FANK1: variants seen among roughly 807,000 people sequenced by gnomAD.
FANK1 encodes the protein fibronectin type 3 and ankyrin repeat domains protein 1.
FANK1 carries 44 observed loss-of-function variants against 45.3 expected under a neutral mutation model. The ratio of observed to expected loss-of-function variants is 0.97; its 90% CI spans 0.76 to 1.25. The LOEUF (loss-of-function observed/expected upper bound fraction) is 1.25. FANK1 is among the 50% of genes most tolerant of loss of function. FANK1 has a pLI of 0.00. For synonymous variants in FANK1, 149 were observed against 152.5 expected (o/e 0.98, Z 0.17); for missense variants, 391 against 424.4 (o/e 0.92, Z 0.69).
intron 1 of FANK1, among the ~76,000 whole-genome samples, chr10:125,954,089 T>C (rs1949421509): frequency 3.0e-5 from 2 of 66,194 alleles, no homozygotes; most frequent in Non-Finnish European, 8.4e-5. Context: ...CACTGTGGAG[T>C]TGGACCGTAC....
At chr10:125,982,664 A>C (rs1951294608) in intron 2 of FANK1, among the ~76,000 whole-genome samples, 1 of 152,190 alleles carries the variant, frequency 6.6e-6, no homozygotes, top group African/African-American at 2.4e-5. Flanking sequence ...CTGATTTGTC[A>C]GTTTCTGTTC....
chr10:126,005,305 T>G (rs929823300), intron 7 of FANK1, among the ~76,000 whole-genome samples: 1 of 135,700 alleles, frequency 7.4e-6, no homozygotes, highest in East Asian at 2.1e-4. Flanking sequence ...TCTACTTTCT[T>G]TCTTTTTTTT....
chr10:125,954,376 T>C (rs1326433088), intron 1 of FANK1, among the ~76,000 whole-genome samples: 2 of 152,220 alleles, frequency 1.3e-5, no homozygotes, highest in Non-Finnish European at 2.9e-5. Flanking sequence ...GGAACTTCTT[T>C]TGTATCTAAC....
At chr10:125,950,483 A>C (rs1315672629) in intron 1 of FANK1, among the ~76,000 whole-genome samples, 1 of 152,060 alleles carries the variant, frequency 6.6e-6, no homozygotes, top group African/African-American at 2.4e-5. Flanking sequence ...TCTCAGAAGA[A>C]GACATTTATG....
intron 1 of FANK1, among the ~76,000 whole-genome samples, chr10:125,899,207 T>A (rs928575330): frequency 1.1e-4 from 16 of 152,242 alleles, no homozygotes; most frequent in African/African-American, 3.4e-4. Context: ...ATTACAGGCA[T>A]GCGCCACCAT....
At chr10:125,900,297 A>G (rs1355273839) in intron 1 of FANK1, among the ~76,000 whole-genome samples, 1 of 151,784 alleles carries the variant, frequency 6.6e-6, no homozygotes, top group African/African-American at 2.4e-5. Context: ...AAGATAGCTC[A>G]TGTATAAAAT....
chr10:125,952,061 A>G (rs550991242), intron 1 of FANK1, among the ~76,000 whole-genome samples: 8 of 152,296 alleles, frequency 5.3e-5, no homozygotes, highest in Admixed American at 5.2e-4. Flanking sequence ...TGTGGGGACA[A>G]GATGTGTCAG....
intron 1 of FANK1, among the ~76,000 whole-genome samples, chr10:125,950,892 A>G (rs1206911273): frequency 6.6e-6 from 1 of 150,458 alleles, no homozygotes; most frequent in Non-Finnish European, 1.5e-5. Flanking sequence ...GCACATATAC[A>G]CCATGGAATA....
intron 1 of FANK1, among the ~76,000 whole-genome samples, chr10:125,938,604 T>A (rs1315232070): frequency 6.6e-6 from 1 of 151,990 alleles, no homozygotes; most frequent in Non-Finnish European, 1.5e-5. Flanking sequence ...AGGTCAGGAG[T>A]TCGAGACCAG....
rs1037789199 is a variant in FANK1 at position 125,995,432 on chromosome 10, G to A, written c.332G>A (p.Ser111Asn). The A allele has an allele frequency of 1.2e-6, 2 of 1,614,054 alleles. No homozygotes were observed. The highest frequency in any genetic ancestry group is 1.7e-5 in the Admixed American group (1 of 60,004). The change falls in exon 4 of 11, where the codon AGT (serine) becomes AAT (asparagine). Residue 111 changes from serine (S) to asparagine (N), a missense_variant. Coordinates refer to ENST00000368693, the MANE Select transcript of FANK1 (RefSeq NM_145235.5). ...SVSTTREPIS[S>N]EHLHRAVSVN... is the part of the protein sequence containing the mutation. ...ATTTCTCCAGGAGAGCCCATAAGTA[G>A]TGAGCACTTGCACCGGGCTGTCAGT...
chr10:125,949,559 G>A (rs1298257726), intron 1 of FANK1, among the ~76,000 whole-genome samples: 1 of 150,636 alleles, frequency 6.6e-6, no homozygotes, highest in Non-Finnish European at 1.5e-5. Context: ...ACTTACAAGG[G>A]ATGTGAAGGA....
At chr10:126,003,201 G>A (rs925718136) in intron 6 of FANK1, among the ~76,000 whole-genome samples, 21 of 151,176 alleles carry the variant, frequency 1.4e-4, no homozygotes, top group Admixed American at 4.6e-4. Context: ...CTTGTCTCCC[G>A]GTTGTGGGGC....
intron 1 of FANK1, among the ~76,000 whole-genome samples, chr10:125,945,795 G>A (rs1372762563): frequency 6.6e-6 from 1 of 152,232 alleles, no homozygotes; most frequent in Non-Finnish European, 1.5e-5. Context: ...ACCTCTGGGG[G>A]CAGGGCACAG....
intron 1 of FANK1, among the ~76,000 whole-genome samples, chr10:125,968,204 C>T (rs1353638524): frequency 3.9e-5 from 6 of 152,062 alleles, no homozygotes; most frequent in Non-Finnish European, 8.8e-5. Flanking sequence ...GTGATCCTCT[C>T]ACCTTGGCCT....
At chr10:125,967,666 C>T (rs564842270) in intron 1 of FANK1, among the ~76,000 whole-genome samples, 1 of 152,074 alleles carries the variant, frequency 6.6e-6, no homozygotes, top group African/African-American at 2.4e-5. Flanking sequence ...TGCAGTGGTA[C>T]AATCATAGCT....
intron 1 of FANK1, among the ~76,000 whole-genome samples, chr10:125,955,977 C>A (rs34510016): frequency 0.7 from 105,805 of 152,028 alleles, 38,076 homozygotes; most frequent in South Asian, 0.8. Flanking sequence ...TTCTAGTCAA[C>A]GGAACTATGA....
At chr10:125,995,648 A>C in intron 4 of FANK1, 150 bp downstream of exon 4, 1 of 655,328 alleles carries the variant, frequency 1.5e-6, no homozygotes, top group Admixed American at 2.5e-5. Context: ...TGAGTTAATA[A>C]ACCACAGTTA....
chr10:125,979,787 C>G (rs1414686625), intron 1 of FANK1: 1 of 462,310 alleles, frequency 2.2e-6, no homozygotes, highest in East Asian at 6.8e-5. Flanking sequence ...ATACTTGGAT[C>G]AGATAGAGCA....
intron 4 of FANK1, among the ~76,000 whole-genome samples, chr10:125,996,124 G>A (rs1952309290): frequency 1.3e-5 from 2 of 152,194 alleles, no homozygotes; most frequent in African/African-American, 4.8e-5. Context: ...CGAAAGGGCT[G>A]CTCTCTACCC....
Sources: allele counts gnomAD v4.1 joint callset (sites outside exome capture counted in the v4.1 genomes callset), GRCh38; gene constraint gnomAD v4.1.1; transcripts MANE v1.5; gene names NCBI Gene and HGNC (gene_info 2026-07-23, HGNC 2026-07-21).